The following STIM1 variants were observed in gnomAD, a reference collection of about 807,000 sequenced individuals.
STIM1 encodes the protein stromal interaction molecule 1.
In STIM1, 25 loss-of-function variants were observed where a neutral mutation model predicts 74.7. The ratio of observed to expected loss-of-function variants is 0.33; its 90% CI spans 0.24 to 0.47. The LOEUF (loss-of-function observed/expected upper bound fraction) is 0.47, where lower values mean the gene tolerates loss of function less well. STIM1 is among the 20% of genes least tolerant of loss of function. The pLI is 1.00. For synonymous variants in STIM1, 328 were observed against 348.8 expected (o/e 0.94, Z 0.66); for missense variants, 728 against 920.8 (o/e 0.79, Z 2.71).
intron 2 of STIM1, among the ~76,000 whole-genome samples, chr11:3,992,110 T>TTTTTTTTTTTTTG (rs2093621812): frequency 6.9e-6 from 1 of 144,232 alleles, no homozygotes; most frequent in Non-Finnish European, 1.5e-5. Context: ...TTTTTTTTTT[T>TTTTTTTTTTTTTG]TAGTTTTTAA....
chr11:3,937,801 C>T (rs1385476102), intron 1 of STIM1, among the ~76,000 whole-genome samples: 4 of 152,228 alleles, frequency 2.6e-5, no homozygotes, highest in Non-Finnish European at 5.9e-5. Context: ...CACATTCTAG[C>T]TCCAGAACCT....
At chr11:3,913,782 G>T (rs999673384) in intron 1 of STIM1, among the ~76,000 whole-genome samples, 2 of 152,074 alleles carry the variant, frequency 1.3e-5, no homozygotes, top group African/African-American at 2.4e-5. Flanking sequence ...TACCTATTAA[G>T]CAGTTTCTCC....
chr11:4,008,268 A>G (rs543301237), intron 2 of STIM1, among the ~76,000 whole-genome samples: 2 of 152,266 alleles, frequency 1.3e-5, no homozygotes, highest in East Asian at 3.9e-4. Flanking sequence ...ATTTCATATA[A>G]CCTAGGTGTG....
intron 1 of STIM1, among the ~76,000 whole-genome samples, chr11:3,904,237 G>C (rs1289874793): frequency 6.9e-6 from 1 of 145,674 alleles, no homozygotes; most frequent in African/African-American, 2.5e-5. Context: ...TACTGGGAGA[G>C]AAAGGAAGGA....
At chr11:3,956,823 C>CAAAAAAAAAAAAAAAAA (rs78285130) in intron 1 of STIM1, among the ~76,000 whole-genome samples, 1 of 38,154 alleles carries the variant, frequency 2.6e-5, no homozygotes, top group African/African-American at 7.5e-5. Flanking sequence ...ACCCTGTCTC[C>CAAAAAAAAAAAAAAAAA]AAAAAAAAAA....
At chr11:4,005,015 A>G (rs1390903522) in intron 2 of STIM1, among the ~76,000 whole-genome samples, 1 of 152,264 alleles carries the variant, frequency 6.6e-6, no homozygotes. Context: ...GAGAAATGCA[A>G]ATCAAAGCCA....
At chr11:4,076,320 T>C (rs979612025) in intron 7 of STIM1, among the ~76,000 whole-genome samples, 1 of 151,568 alleles carries the variant, frequency 6.6e-6, no homozygotes, top group Non-Finnish European at 1.5e-5. Context: ...AGCCCGTCTG[T>C]ACTAAAAATA....
chr11:3,937,674 C>G (rs1180580055), intron 1 of STIM1, among the ~76,000 whole-genome samples: 1 of 152,164 alleles, frequency 6.6e-6, no homozygotes, highest in Non-Finnish European at 1.5e-5. Flanking sequence ...AGGGTTCACT[C>G]TGCTTGAGCT....
chr11:4,006,697 A>G (rs1253934261), intron 2 of STIM1, among the ~76,000 whole-genome samples: 1 of 152,208 alleles, frequency 6.6e-6, no homozygotes. Flanking sequence ...TACAGGTGTG[A>G]GCCACTGTGC....
Position 4,024,130 on chromosome 11 carries a change from A to T in STIM1, c.385+143A>T, listed in dbSNP as rs10835508. ...AGTTATTCTACATATAGTCACTAAA[A>T]AAGACTGAATATAGTCACTCTGCTG... On this transcript the variant is annotated intron_variant, in intron 3 of 12. Transcript: ENST00000526596. 227,448 of 704,472 alleles carry T rather than the reference A, an allele frequency of 0.32. 38,581 individuals are homozygous for T. Among genetic ancestry groups the T allele is most frequent in the South Asian group, 0.46 (30,646 of 66,090 alleles). The allele number at this position is 704,472 out of a possible 1,614,324, so 43.6% of individuals were successfully genotyped here.
intron 2 of STIM1, among the ~76,000 whole-genome samples, chr11:4,010,654 A>G (rs1174925505): frequency 6.6e-6 from 1 of 152,170 alleles, no homozygotes; most frequent in Non-Finnish European, 1.5e-5. Flanking sequence ...GAGGCAAAGT[A>G]GCTTGCCCAA....
chr11:4,059,423 TGCTGTGCCATGGAAACCAAA>T (rs1387016019), intron 5 of STIM1, 27 bp downstream of exon 5: 1 of 1,598,390 alleles, frequency 6.3e-7, no homozygotes, highest in African/African-American at 1.3e-5. Flanking sequence ...GAAGGGCTAC[TGCTGTGCCATGGAAACCAAA>T]GCTGTTGTAG....
At chr11:3,927,245 A>G (rs2092800404) in intron 1 of STIM1, among the ~76,000 whole-genome samples, 1 of 152,180 alleles carries the variant, frequency 6.6e-6, no homozygotes, top group South Asian at 2.1e-4. Context: ...TAAAACTACA[A>G]TGCCAATTTT....
intron 6 of STIM1, among the ~76,000 whole-genome samples, chr11:4,071,275 A>C (rs944606919): frequency 2.6e-5 from 4 of 151,652 alleles, no homozygotes; most frequent in Non-Finnish European, 5.9e-5. Context: ...AAGCCTAGGG[A>C]CTCTAGTTGG....
chr11:3,895,740 C>CTT (rs1565105411), intron 1 of STIM1, among the ~76,000 whole-genome samples: 16 of 36,598 alleles, frequency 4.4e-4, no homozygotes, highest in Non-Finnish European at 6.3e-4. Context: ...CTTTCTTTTT[C>CTT]TTTCTTCCTT....
At chr11:4,075,329 C>T (rs1052570484) in intron 7 of STIM1, among the ~76,000 whole-genome samples, 1 of 152,116 alleles carries the variant, frequency 6.6e-6, no homozygotes, top group Non-Finnish European at 1.5e-5. Context: ...TGTGTTACTA[C>T]CACCCAGATC....
chr11:3,946,551 G>A (rs768385714), intron 1 of STIM1, among the ~76,000 whole-genome samples: 15 of 152,012 alleles, frequency 9.9e-5, no homozygotes, highest in East Asian at 1.9e-4. Flanking sequence ...CTTGTTCTTC[G>A]TTGGATTCTA....
chr11:3,927,708 G>A (rs1022937607), intron 1 of STIM1, among the ~76,000 whole-genome samples: 1 of 152,158 alleles, frequency 6.6e-6, no homozygotes, highest in African/African-American at 2.4e-5. Flanking sequence ...GGCAGTGGAA[G>A]CAGAGGCATC....
intron 1 of STIM1, among the ~76,000 whole-genome samples, chr11:3,921,454 G>T (rs915229898): frequency 2.6e-5 from 4 of 152,112 alleles, no homozygotes; most frequent in African/African-American, 9.7e-5. Context: ...AAGATACCTG[G>T]ACCATCTGGC....
Sources: gnomAD v4.1 joint callset for allele counts (sites outside exome capture counted in the v4.1 genomes callset) on GRCh38, gnomAD v4.1.1 for gene constraint, MANE v1.5 for transcripts, NCBI Gene and HGNC (gene_info 2026-07-23, HGNC 2026-07-21) for gene names.